The following RGSL1 variants were observed in gnomAD, a reference collection of about 807,000 sequenced individuals.
RGSL1 encodes regulator of G protein signaling like 1.
Under a neutral mutation model 124.7 loss-of-function variants are expected in RGSL1, and 97 were observed. That is an observed-to-expected ratio of 0.78 (90% CI 0.66 to 0.92). The LOEUF is 0.92. Ranked by LOEUF, RGSL1 falls within the 40% of genes least tolerant of loss-of-function variation. The probability of loss-of-function intolerance (pLI) is 0.00; values close to 1 mark genes in which losing one functional copy is unlikely to be tolerated. For synonymous variants in RGSL1, 424 were observed against 438.1 expected (o/e 0.97, Z 0.40); for missense variants, 1,233 against 1,288.4 (o/e 0.96, Z 0.66).
intron 4 of RGSL1, among the ~76,000 whole-genome samples, chr1:182,463,327 C>CTGTAAA (rs1320411351): frequency 6.8e-6 from 1 of 147,974 alleles, no homozygotes; most frequent in Non-Finnish European, 1.5e-5. Flanking sequence ...TTAACTTTAA[C>CTGTAAA]TGTAAATGGA....
At chr1:182,487,026 C>T (rs1231581552) in intron 6 of RGSL1, among the ~76,000 whole-genome samples, 1 of 152,092 alleles carries the variant, frequency 6.6e-6, no homozygotes, top group Non-Finnish European at 1.5e-5. Flanking sequence ...GCTCATTTCA[C>T]ACATGCTTTT....
At chr1:182,546,694 A>G (rs1660232913) in intron 15 of RGSL1, among the ~76,000 whole-genome samples, 1 of 152,252 alleles carries the variant, frequency 6.6e-6, no homozygotes, top group Non-Finnish European at 1.5e-5. Context: ...CCCAGCCAAC[A>G]ACACTTTTTT....
At chr1:182,558,594 C>A (rs1311392501) in intron 21 of RGSL1, among the ~76,000 whole-genome samples, 2 of 152,120 alleles carry the variant, frequency 1.3e-5, no homozygotes, top group African/African-American at 4.8e-5. Flanking sequence ...GGATGGAGGT[C>A]TCACTTCCTT....
intron 18 of RGSL1, among the ~76,000 whole-genome samples, chr1:182,551,850 G>A (rs1231590840): frequency 1.3e-5 from 2 of 152,008 alleles, no homozygotes; most frequent in African/African-American, 4.8e-5. Context: ...TATTTTTACT[G>A]TGCTTTTTCT....
intron 9 of RGSL1, among the ~76,000 whole-genome samples, chr1:182,501,555 G>C (rs111896149): frequency 0.037 from 5,620 of 151,890 alleles, 329 homozygotes; most frequent in African/African-American, 0.12. Flanking sequence ...CTGACCTCAA[G>C]TGGTCCTCCT....
intron 15 of RGSL1, among the ~76,000 whole-genome samples, chr1:182,546,646 C>G (rs1022996591): frequency 2.6e-5 from 4 of 152,194 alleles, no homozygotes; most frequent in African/African-American, 9.6e-5. Flanking sequence ...CTGCCTCAGC[C>G]TCTCAAAGTC....
intron 6 of RGSL1, among the ~76,000 whole-genome samples, chr1:182,485,926 A>G (rs1453405815): frequency 1.3e-5 from 2 of 152,254 alleles, no homozygotes; most frequent in East Asian, 3.8e-4. Context: ...CCGTTTGTTT[A>G]CATACTACCA....
At chr1:182,493,413 T>C (rs1655678081) in intron 9 of RGSL1, among the ~76,000 whole-genome samples, 1 of 152,222 alleles carries the variant, frequency 6.6e-6, no homozygotes, top group African/African-American at 2.4e-5. Flanking sequence ...TTTTAATTAA[T>C]GTGAATTCTT....
rs1430051013 is a variant in RGSL1, at chr1:182,553,587, A to G, written c.3130+46A>G. 6 of 1,509,372 alleles carry G rather than the reference A, an allele frequency of 4.0e-6. No individual in the cohort carries two copies. The African/African-American group carries it at 6.9e-5, about 17-fold the overall frequency. 93.5% of individuals were successfully genotyped at this position (1,509,372 alleles called of 1,614,324 possible). On this transcript the variant is annotated intron_variant, in intron 19 of 21. Transcript: ENST00000294854. ...CACTGATAGTTTGCTACTCAATCAG[A>G]GGGGGACTTTAAAACCAGCTTGGCC...
intron 1 of RGSL1, among the ~76,000 whole-genome samples, chr1:182,451,103 GCC>G (rs529662675): frequency 5.2e-4 from 74 of 141,812 alleles, no homozygotes; most frequent in African/African-American, 1.8e-3. Flanking sequence ...TTGAGATCTT[GCC>G]ACTGCATTCC....
chr1:182,533,299 T>C (rs1157859038), intron 14 of RGSL1, among the ~76,000 whole-genome samples: 2 of 120,098 alleles, frequency 1.7e-5, no homozygotes, highest in Non-Finnish European at 3.2e-5. Context: ...CTTGCTTCTT[T>C]TTTTTTTTTT....
chr1:182,520,049 T>G (rs1658217261), intron 9 of RGSL1, among the ~76,000 whole-genome samples: 1 of 152,176 alleles, frequency 6.6e-6, no homozygotes, highest in African/African-American at 2.4e-5. Context: ...TGGTTTTTGG[T>G]GAAGTCTTTT....
intron 6 of RGSL1, among the ~76,000 whole-genome samples, chr1:182,485,110 G>A (rs890011910): frequency 1.3e-5 from 2 of 152,152 alleles, no homozygotes; most frequent in African/African-American, 4.8e-5. Context: ...AGGACTGCAG[G>A]GGACCCCAGT....
At chr1:182,469,744 A>C (rs1452336510) in intron 4 of RGSL1, among the ~76,000 whole-genome samples, 1 of 152,196 alleles carries the variant, frequency 6.6e-6, no homozygotes, top group East Asian at 1.9e-4. Flanking sequence ...AAGTGTGGAA[A>C]CAGTCCAAGA....
chr1:182,528,675 A>G (rs551989639), intron 11 of RGSL1, among the ~76,000 whole-genome samples: 4 of 152,324 alleles, frequency 2.6e-5, no homozygotes, highest in Admixed American at 2.6e-4. Flanking sequence ...TCTCACATCT[A>G]GGTCACACTG....
At chr1:182,530,958 T>A in intron 13 of RGSL1, 48 bp downstream of exon 13, 1 of 1,526,040 alleles carries the variant, frequency 6.6e-7, no homozygotes, top group Non-Finnish European at 8.8e-7. Context: ...AAGAAAACCA[T>A]CGTCTTGGGG....
Position 182,493,054 on chromosome 1 carries a change from T to C in RGSL1, c.1750T>C (p.Tyr584His). The stretch of plus-strand genomic sequence containing the variant: ...TAAAATGTCCTTTGAGGAGCTTTGC[T>C]ACAAGAACCCAAAGATGGCCATACA... ...ITKMSFEELCYKNPKMAIQKI... is the reference protein window; with the variant it reads ...ITKMSFEELCHKNPKMAIQKI... Residue 584 changes from tyrosine to histidine, a missense_variant, in exon 9 of 22, where the codon TAC becomes CAC. By Grantham distance (83) the Tyr-to-His change is moderately conservative (BLOSUM62 2). Transcript: ENST00000294854. The C allele has an allele frequency of 6.4e-7, 1 of 1,551,758 alleles. No individual in the cohort carries two copies. The highest frequency in any genetic ancestry group is 8.7e-7 in the Non-Finnish European group (1 of 1,146,884).
chr1:182,503,535 C>T (rs1327088683), intron 9 of RGSL1, among the ~76,000 whole-genome samples: 1 of 133,188 alleles, frequency 7.5e-6, no homozygotes, highest in Non-Finnish European at 1.5e-5. Flanking sequence ...AACAATTGAA[C>T]CCATGGAGAA....
At chr1:182,488,925 C>T in intron 7 of RGSL1, 55 bp from the exon 8 acceptor site, 2 of 1,397,416 alleles carry the variant, frequency 1.4e-6, no homozygotes, top group Non-Finnish European at 2.0e-6. Flanking sequence ...AAAATTATTG[C>T]TTCTGGTCTA....
Sources: gnomAD v4.1 joint callset for allele counts (sites outside exome capture counted in the v4.1 genomes callset) on GRCh38, gnomAD v4.1.1 for gene constraint, MANE v1.5 for transcripts, NCBI Gene and HGNC (gene_info 2026-07-23, HGNC 2026-07-21) for gene names.